Variants in WDR33 observed in about 807,000 individuals in gnomAD.
The protein encoded by WDR33 is pre-mRNA 3' end processing protein WDR33.
In WDR33, 47 loss-of-function variants were observed where a neutral mutation model predicts 164.9. The observed-to-expected ratio is 0.29, with a 90% CI of 0.23 to 0.36. The LOEUF is 0.36. Ranked by LOEUF, WDR33 falls within the 10% of genes least tolerant of loss-of-function variation. The pLI is 1.00. For missense variants in WDR33, 1,137 were observed against 1,754.1 expected, an observed-to-expected ratio of 0.65 and a Z score of 6.28; for synonymous variants, 505 against 589.0, an observed-to-expected ratio of 0.86 and a Z score of 2.06.
At position 127,702,054 on chromosome 2, in the gene WDR33, C is replaced by G. The variant is rs984438402; in HGVS notation, c.*4269G>C. 4.9e-6 allele frequency: 6 copies of G among 1,225,634 alleles called. No individual in the cohort carries two copies. In the African/African-American group the frequency reaches 9.5e-5, roughly 19 times the overall value. 75.9% of individuals were successfully genotyped at this position (1,225,634 alleles called of 1,614,324 possible). On this transcript the variant is annotated 3_prime_UTR_variant, in exon 22 of 22. Coordinates refer to ENST00000322313, the MANE Select transcript of WDR33 (RefSeq NM_018383.5). ...GCTCACGGTGCTGGGCGCGGGCGCG[C>G]AGGTGGCCGCGCTGCTGGCCGCGCT...
rs1054327931 is a variant in WDR33, at chr2:127,705,334, A to G, written c.*989T>C. The G allele has an allele frequency of 4.3e-5, 7 of 161,176 alleles. No individual in the cohort carries two copies. Among genetic ancestry groups the G allele is most frequent in the Non-Finnish European group, 8.8e-5 (6 of 68,092 alleles). The allele number at this position is 161,176 out of a possible 1,614,324, so 10.0% of individuals were successfully genotyped here. ...TTTAAACAAGGAATTTGCCATGGAC[A>G]AGATCTATCTGGCTTACTGTGAGTT... is the stretch of plus-strand genomic sequence containing the variant. On this transcript the variant is annotated 3_prime_UTR_variant, in exon 22 of 22. Transcript: ENST00000322313. The surrounding 1 kb of genome is among the most constrained non-coding windows in gnomAD (Gnocchi z 4.5).
At chr2:127,796,791 G>C (rs1689056930) in intron 1 of WDR33, among the ~76,000 whole-genome samples, 1 of 151,958 alleles carries the variant, frequency 6.6e-6, no homozygotes, top group African/African-American at 2.4e-5. Context: ...TAAATGACTA[G>C]GTTCAGGGGA....
chr2:127,782,432 A>G (rs555295037), intron 1 of WDR33, among the ~76,000 whole-genome samples: 2 of 152,194 alleles, frequency 1.3e-5, no homozygotes, highest in East Asian at 3.9e-4. Flanking sequence ...TGATCTCAAA[A>G]AGAAGATCAA....
chr2:127,784,020 A>G (rs1413285862), intron 1 of WDR33, among the ~76,000 whole-genome samples: 1 of 152,116 alleles, frequency 6.6e-6, no homozygotes, highest in Non-Finnish European at 1.5e-5. Flanking sequence ...ATATTAATTC[A>G]TTTTTAAATA....
intron 1 of WDR33, chr2:127,798,936 T>C (rs1229743808): frequency 6.6e-6 from 1 of 152,002 alleles, no homozygotes; most frequent in Non-Finnish European, 1.5e-5. Context: ...TTGGGGGTTG[T>C]ATATCAACTT....
At chr2:127,802,851 C>T (rs1463700809) in intron 1 of WDR33, among the ~76,000 whole-genome samples, 3 of 151,704 alleles carry the variant, frequency 2.0e-5, no homozygotes, top group Admixed American at 6.6e-5. Flanking sequence ...CATGGTGGTG[C>T]GCACTTGTCG....
rs1477707426 is a variant in WDR33 at position 127,723,165 on chromosome 2, A to C, written c.1291+88T>G. 1.4e-6 allele frequency: 2 copies of C among 1,447,572 alleles called. No individual in the cohort carries two copies. Among genetic ancestry groups the C allele is most frequent in the Non-Finnish European group, 1.9e-6 (2 of 1,059,754 alleles). The allele number at this position is 1,447,572 out of a possible 1,614,324, so 89.7% of individuals were successfully genotyped here. On this transcript the variant is annotated intron_variant, in intron 12 of 21. Transcript: ENST00000322313. The surrounding 1 kb of genome is among the most constrained non-coding windows in gnomAD (Gnocchi z 5.9). ...ATAAATAAATCTACTATAAAATTAA[A>C]ATTCATTTTGTATAATCTTCCCAAC...
Position 127,706,493 on chromosome 2 carries a change from CTA to C in WDR33, c.3839_3840del (p.Leu1280Ter). ...TGGTATCCATCGTGGTGCTCTCCGT[CTA>C]AGGAGCTGGAACGCCCAGATTTGGG... ...RVPKSGRSSS[L>X]DGEHHDGYHR... On this transcript the variant is annotated frameshift_variant, in exon 22 of 22. Transcript: ENST00000322313. LOFTEE classifies it high-confidence loss of function. This position sits in a 1 kb window ranked among gnomAD's most constrained non-coding sequence, Gnocchi z 5.1. The C allele has an allele frequency of 6.2e-7, 1 of 1,613,424 alleles. No individual in the cohort carries two copies. The highest frequency in any genetic ancestry group is 8.5e-7 in the Non-Finnish European group (1 of 1,179,710).
chr2:127,802,727 C>T (rs1349256694), intron 1 of WDR33, among the ~76,000 whole-genome samples: 2 of 151,936 alleles, frequency 1.3e-5, no homozygotes, highest in African/African-American at 2.4e-5. Flanking sequence ...CCTTGTAATC[C>T]TAGTATTTTG....
In WDR33 at chr2:127,726,209, C is replaced by T. The variant is rs767386005; in HGVS notation, c.851+442G>A. 5.5e-4 allele frequency among the ~76,000 whole-genome samples: 83 copies of T among 152,162 alleles called. No homozygotes were observed. The highest frequency in any genetic ancestry group is 1.9e-3 in the African/African-American group (78 of 41,436). On this transcript the variant is annotated intron_variant, in intron 8 of 21. Coordinates refer to ENST00000322313, the MANE Select transcript of WDR33 (RefSeq NM_018383.5). The surrounding 1 kb of genome is among the most constrained non-coding windows in gnomAD (Gnocchi z 4.8). ...AGAAAACTAGATTACATAGCTGCAT[C>T]GTAAGTAAGCCCATCAGACAAAAAA...
In WDR33 at chr2:127,702,358, T is replaced by C; in HGVS notation, c.*3965A>G. 1 of 471,090 alleles carries C rather than the reference T, an allele frequency of 2.1e-6. No homozygotes were observed. Among genetic ancestry groups the C allele is most frequent in the Non-Finnish European group, 3.3e-6 (1 of 303,168 alleles). The allele number at this position is 471,090 out of a possible 1,614,324, so 29.2% of individuals were successfully genotyped here. The stretch of plus-strand genomic sequence containing the variant: ...CGGAGGCGACAGCAGCGTTGGGAGC[T>C]CCTCGATGTCAGCTTTTTGTGCTGG... On this transcript the variant is annotated 3_prime_UTR_variant, in exon 22 of 22. Transcript: ENST00000322313.
chr2:127,756,377 T>C (rs1210310307), intron 7 of WDR33, among the ~76,000 whole-genome samples: 1 of 146,126 alleles, frequency 6.8e-6, no homozygotes, highest in Non-Finnish European at 1.5e-5. Context: ...AAAATTACTA[T>C]GAAAAAAAAA....
At chr2:127,752,323 G>A (rs950450736) in intron 7 of WDR33, among the ~76,000 whole-genome samples, 28 of 152,228 alleles carry the variant, frequency 1.8e-4, no homozygotes, top group African/African-American at 6.5e-4. Context: ...GGGCGCGGTG[G>A]CTCACGCCTG....
chr2:127,763,411 T>C lies in WDR33; in HGVS notation c.627-252A>G, dbSNP rs1687735237. 3 of 1,266,310 alleles carry C rather than the reference T, an allele frequency of 2.4e-6. No individual in the cohort carries two copies. The East Asian group carries it at 1.0e-4, about 44-fold the overall frequency. 78.4% of individuals were successfully genotyped at this position (1,266,310 alleles called of 1,614,324 possible). ...AACTTCAAGTGTGTATTATTAGTGC[T>C]AATGCTATCCATGTTCCTTCTCTAT... On this transcript the variant is annotated intron_variant, in intron 6 of 21. Transcript: ENST00000322313. The surrounding 1 kb of genome is among the most constrained non-coding windows in gnomAD (Gnocchi z 4.5).
Position 127,717,082 on chromosome 2 carries a change from C to A in WDR33, c.2869+73G>T. 6.7e-6 allele frequency: 10 copies of A among 1,488,190 alleles called. No homozygotes were observed. In the South Asian group the frequency reaches 1.2e-4, roughly 18 times the overall value. The allele number at this position is 1,488,190 out of a possible 1,614,324, so 92.2% of individuals were successfully genotyped here. On this transcript the variant is annotated intron_variant, in intron 17 of 21. Transcript: ENST00000322313. This position sits in a 1 kb window ranked among gnomAD's most constrained non-coding sequence, Gnocchi z 5.6. ...GACCAGTCTATCAATGACTGGCCAA[C>A]AAAATTATTCACTGTAAAATGTGCA...
rs184769399 is a variant in WDR33, at chr2:127,807,623, T to C, written c.-24+3389A>G. ...TTGGATTTAGCTGGATTTTAAGGAC[T>C]GAACAGAATAGGAATAGTGTGAAAG... On this transcript the variant is annotated intron_variant, in intron 1 of 21. Coordinates refer to ENST00000322313, the MANE Select transcript of WDR33 (RefSeq NM_018383.5). 2.6e-3 allele frequency among the ~76,000 whole-genome samples: 393 copies of C among 152,272 alleles called. 1 individual carries two copies. The highest frequency in any genetic ancestry group is 4.4e-3 in the Non-Finnish European group (301 of 68,018).
chr2:127,746,179 T>C (rs1687163941), intron 7 of WDR33, among the ~76,000 whole-genome samples: 1 of 151,904 alleles, frequency 6.6e-6, no homozygotes, highest in Non-Finnish European at 1.5e-5. Context: ...CTTACATAAA[T>C]AAAGCTTTAA....
rs1685927804 is a variant in WDR33 at position 127,702,863 on chromosome 2, G to A, written c.*3460C>T. On this transcript the variant is annotated 3_prime_UTR_variant, in exon 22 of 22. Transcript: ENST00000322313. Reference sequence around the variant, plus strand: ...AAGCATGGGATCCAGGAAGGGGCGCGTAGATGCTTAACGGTCTCTTCGGAA... The same window carrying A: ...AAGCATGGGATCCAGGAAGGGGCGCATAGATGCTTAACGGTCTCTTCGGAA... 6.0e-6 allele frequency: 1 copy of A among 166,742 alleles called. No homozygotes were observed. Among genetic ancestry groups the A allele is most frequent in the African/African-American group, 2.4e-5 (1 of 41,448 alleles). The allele number at this position is 166,742 out of a possible 1,614,324, so 10.3% of individuals were successfully genotyped here.
Position 127,713,628 on chromosome 2 carries a change from G to A in WDR33, c.3263C>T (p.Pro1088Leu). 3.1e-6 allele frequency: 5 copies of A among 1,614,254 alleles called. No individual in the cohort carries two copies. The highest frequency in any genetic ancestry group is 1.1e-5 in the South Asian group (1 of 91,088). ...EGRRPGDERF[P>L]RDPEDPRFRG... Reference sequence around the variant, plus strand: ...AAAACGTGGGTCCTCGGGATCCCGGGGGAAACGTTCATCTCCGGGCCTGCG... The same window carrying A: ...AAAACGTGGGTCCTCGGGATCCCGGAGGAAACGTTCATCTCCGGGCCTGCG... The change falls in exon 18 of 22, where the codon CCC becomes CTC. Residue 1088 changes from proline (P) to leucine (L), a missense_variant. Pro to Leu is a moderately conservative substitution (Grantham distance 98). Coordinates refer to ENST00000322313, the MANE Select transcript of WDR33 (RefSeq NM_018383.5). This position sits in a 1 kb window ranked among gnomAD's most constrained non-coding sequence, Gnocchi z 6.2.
Sources: gnomAD v4.1 joint callset for allele counts (sites outside exome capture counted in the v4.1 genomes callset) on GRCh38, gnomAD v4.1.1 for gene constraint, Gnocchi (gnomAD v3.1) non-coding constraint, MANE v1.5 for transcripts, NCBI Gene and HGNC (gene_info 2026-07-23, HGNC 2026-07-21) for gene names.